ARHGAP24: variants seen among roughly 807,000 people sequenced by gnomAD.
The protein encoded by ARHGAP24 is Rho GTPase activating protein 24.
A neutral mutation model predicts 76.4 loss-of-function variants in ARHGAP24; 50 were observed. The ratio of observed to expected loss-of-function variants is 0.65; its 90% CI spans 0.52 to 0.83. The LOEUF (loss-of-function observed/expected upper bound fraction) is 0.83. Ranked by LOEUF, ARHGAP24 falls within the 40% of genes least tolerant of loss-of-function variation. The pLI is 0.00. For missense variants in ARHGAP24, 930 were observed against 914.2 expected, an observed-to-expected ratio of 1.02 and a Z score of -0.22; for synonymous variants, 345 against 323.3, an observed-to-expected ratio of 1.07 and a Z score of -0.72.
In ARHGAP24 at chr4:85,730,986, GCACACA is replaced by G. The variant is rs200255967; in HGVS notation, c.268+9051_268+9056del. On this transcript the variant is annotated intron_variant, in intron 3 of 9. Coordinates refer to ENST00000395184, the MANE Select transcript of ARHGAP24 (RefSeq NM_001025616.3). ...ATACAATGACTCATTTAATATAACT[GCACACA>G]CACACACACACACACACACACACAC... is the stretch of plus-strand genomic sequence containing the variant. 6.2e-3 allele frequency among the ~76,000 whole-genome samples: 827 copies of G among 133,912 alleles called. 10 individuals are homozygous for G. Among genetic ancestry groups the G allele is most frequent in the African/African-American group, 0.017 (604 of 36,394 alleles). The allele number at this position is 133,912 out of a possible 152,430, so 87.9% of individuals were successfully genotyped here.
At chr4:85,734,847 G>C (rs1026829994) in intron 3 of ARHGAP24, among the ~76,000 whole-genome samples, 4 of 151,872 alleles carry the variant, frequency 2.6e-5, no homozygotes, top group African/African-American at 9.7e-5. Context: ...GGCTATAACT[G>C]ATGCAAATCA....
chr4:85,544,114 G>A (rs987144782), intron 1 of ARHGAP24, among the ~76,000 whole-genome samples: 4 of 152,098 alleles, frequency 2.6e-5, no homozygotes, highest in African/African-American at 9.7e-5. Flanking sequence ...TGTCTTCCCA[G>A]TTTCTGAGTC....
At chr4:85,679,890 A>G (rs756575511) in intron 2 of ARHGAP24, among the ~76,000 whole-genome samples, 1 of 152,210 alleles carries the variant, frequency 6.6e-6, no homozygotes, top group Non-Finnish European at 1.5e-5. Flanking sequence ...AAACCAGTTG[A>G]AAGTGGAAAT....
chr4:85,612,083 T>TACACACACACACACACACACACACAC (rs34030905), intron 2 of ARHGAP24, among the ~76,000 whole-genome samples: 2 of 143,770 alleles, frequency 1.4e-5, no homozygotes, highest in Admixed American at 1.4e-4. Flanking sequence ...TTCATTACAT[T>TACACACACACACACACACACACACAC]ACACACACAC....
chr4:85,954,404 A>G (rs189849146), intron 5 of ARHGAP24, among the ~76,000 whole-genome samples: 2 of 152,258 alleles, frequency 1.3e-5, no homozygotes, highest in Non-Finnish European at 2.9e-5. Flanking sequence ...TTTACTGCTT[A>G]TCATCTGCCT....
intron 1 of ARHGAP24, among the ~76,000 whole-genome samples, chr4:85,535,054 A>G (rs1007852242): frequency 2.0e-5 from 3 of 152,186 alleles, no homozygotes; most frequent in Admixed American, 6.5e-5. Context: ...TGAAACATAC[A>G]TAGTCCAACT....
At chr4:85,930,600 C>A in intron 4 of ARHGAP24, 1 of 1,047,006 alleles carries the variant, frequency 9.6e-7, no homozygotes, top group South Asian at 3.7e-5. Context: ...CCAATTCCTG[C>A]TGTTTGAATG....
At chr4:85,778,786 G>C (rs1727409187) in intron 3 of ARHGAP24, 1 of 985,306 alleles carries the variant, frequency 1.0e-6, no homozygotes, top group South Asian at 4.7e-5. Flanking sequence ...CCTTCTACAA[G>C]AAAACTTAAA....
At position 85,923,589 on chromosome 4, in the gene ARHGAP24, G is replaced by A. The variant is rs561036145; in HGVS notation, c.269-59G>A. On this transcript the variant is annotated intron_variant, in intron 3 of 9. Transcript: ENST00000395184. ...CTCTGTTTCAGGGGTTCTTCTGGAG[G>A]CTGATCATGAGGAATCTCTGGATGC... 112 of 1,609,832 alleles carry A rather than the reference G, an allele frequency of 7.0e-5. No individual in the cohort carries two copies. In the East Asian group the frequency reaches 1.7e-3, roughly 25 times the overall value.
At chr4:85,865,340 C>T (rs1424439447) in intron 3 of ARHGAP24, among the ~76,000 whole-genome samples, 1 of 151,456 alleles carries the variant, frequency 6.6e-6, no homozygotes, top group African/African-American at 2.4e-5. Flanking sequence ...TGGCTAACTC[C>T]TTTTCTTTCA....
At chr4:85,595,900 A>C (rs1045699640) in intron 2 of ARHGAP24, among the ~76,000 whole-genome samples, 3 of 152,008 alleles carry the variant, frequency 2.0e-5, no homozygotes, top group African/African-American at 7.2e-5. Flanking sequence ...TTGACTTTGT[A>C]ATGATGATCT....
chr4:85,564,448 G>A (rs549105532), intron 1 of ARHGAP24, among the ~76,000 whole-genome samples: 18 of 79,342 alleles, frequency 2.3e-4, no homozygotes, highest in African/African-American at 4.8e-4. Context: ...TGTAAATGAC[G>A]AGTTAATGGG....
At chr4:85,786,681 G>T (rs556692782) in intron 3 of ARHGAP24, among the ~76,000 whole-genome samples, 4 of 152,148 alleles carry the variant, frequency 2.6e-5, no homozygotes, top group Non-Finnish European at 2.9e-5. Flanking sequence ...GGGGGAAATT[G>T]TTTGGGACAA....
At chr4:85,973,811 A>G (rs906525704) in intron 6 of ARHGAP24, among the ~76,000 whole-genome samples, 1 of 140,592 alleles carries the variant, frequency 7.1e-6, no homozygotes, top group Admixed American at 7.0e-5. Context: ...CTTGGCACTC[A>G]TGTCAAAAAC....
chr4:85,773,727 A>G (rs1031357693), intron 3 of ARHGAP24, among the ~76,000 whole-genome samples: 2 of 152,194 alleles, frequency 1.3e-5, no homozygotes, highest in African/African-American at 4.8e-5. Flanking sequence ...ACGTCAATAA[A>G]TTCAAGGAAG....
At chr4:85,690,214 GAGATATTCA>G (rs879475896) in intron 2 of ARHGAP24, among the ~76,000 whole-genome samples, 20,731 of 150,482 alleles carry the variant, frequency 0.14, 1,838 homozygotes, top group East Asian at 0.33. Context: ...ATATTCTTCA[GAGATATTCA>G]TCAGAGATAT....
At chr4:85,795,621 G>C (rs1433640351) in intron 3 of ARHGAP24, among the ~76,000 whole-genome samples, 1 of 151,990 alleles carries the variant, frequency 6.6e-6, no homozygotes, top group Non-Finnish European at 1.5e-5. Context: ...TTTCTCACTT[G>C]GATAGTATCT....
intron 2 of ARHGAP24, among the ~76,000 whole-genome samples, chr4:85,662,425 T>A (rs1252898158): frequency 6.6e-6 from 1 of 151,042 alleles, no homozygotes; most frequent in Non-Finnish European, 1.5e-5. Context: ...TATCCCTTTG[T>A]CAGATGAGTT....
At chr4:85,562,520 G>A (rs1459015063) in intron 1 of ARHGAP24, among the ~76,000 whole-genome samples, 1 of 139,450 alleles carries the variant, frequency 7.2e-6, no homozygotes, top group Non-Finnish European at 1.6e-5. Flanking sequence ...ACACAGGGTA[G>A]AACATGGAGA....
Sources: gnomAD v4.1 joint callset for allele counts (sites outside exome capture counted in the v4.1 genomes callset) on GRCh38, gnomAD v4.1.1 for gene constraint, MANE v1.5 for transcripts, NCBI Gene and HGNC (gene_info 2026-07-23, HGNC 2026-07-21) for gene names.